Variants in PCDH15 observed in about 807,000 individuals in gnomAD.
PCDH15 encodes the protein protocadherin-15.
PCDH15 carries 129 observed loss-of-function variants against 178.5 expected under a neutral mutation model. The observed-to-expected ratio is 0.72, with a 90% CI of 0.63 to 0.84. The LOEUF (loss-of-function observed/expected upper bound fraction) is 0.84. Ranked by LOEUF, PCDH15 falls within the 40% of genes least tolerant of loss-of-function variation. The probability of loss-of-function intolerance (pLI) is 0.00; values close to 1 mark genes in which losing one functional copy is unlikely to be tolerated. For missense variants in PCDH15, 2,230 were observed against 2,099.9 expected, an observed-to-expected ratio of 1.06 and a Z score of -1.21; for synonymous variants, 800 against 732.0, an observed-to-expected ratio of 1.09 and a Z score of -1.50.
At chr10:55,402,659 A>T (rs1838099654) in intron 2 of PCDH15, among the ~76,000 whole-genome samples, 1 of 151,970 alleles carries the variant, frequency 6.6e-6, no homozygotes, top group Non-Finnish European at 1.5e-5. Context: ...GATTTCATTA[A>T]TTTTTATGTC....
At chr10:54,514,552 A>G (rs897863332) in intron 3 of PCDH15, among the ~76,000 whole-genome samples, 1 of 152,038 alleles carries the variant, frequency 6.6e-6, no homozygotes, top group African/African-American at 2.4e-5. Context: ...TTTTTTTAAA[A>G]AAGTATGAAC....
intron 1 of PCDH15, among the ~76,000 whole-genome samples, chr10:54,790,579 C>G (rs1335875117): frequency 6.6e-6 from 1 of 151,694 alleles, no homozygotes; most frequent in African/African-American, 2.4e-5. Context: ...GGTAACAAAT[C>G]CTCTGAGCGA....
At chr10:55,030,219 A>G (rs934972348) in intron 2 of PCDH15, among the ~76,000 whole-genome samples, 1 of 152,134 alleles carries the variant, frequency 6.6e-6, no homozygotes, top group African/African-American at 2.4e-5. Context: ...TTTAGTTTGC[A>G]ATGCTGTATT....
intron 3 of PCDH15, among the ~76,000 whole-genome samples, chr10:54,397,382 G>T (rs1951375357): frequency 6.6e-6 from 1 of 151,934 alleles, no homozygotes; most frequent in South Asian, 2.1e-4. Context: ...CAAACTCAGG[G>T]AACAACCTTC....
chr10:54,010,232 G>A (rs2610874), intron 20 of PCDH15, among the ~76,000 whole-genome samples: 99,548 of 151,666 alleles, frequency 0.66, 32,971 homozygotes, highest in South Asian at 0.81. Flanking sequence ...CCAACACAGC[G>A]CAGTTTCCTT....
In PCDH15 at chr10:54,378,911, T is replaced by C. The variant is rs1554940478; in HGVS notation, c.189A>G (p.Lys63=). The part of the protein sequence containing the change: ...GTILVDNMLI[K]GTAGGPDPTI... The stretch of plus-strand genomic sequence containing the variant: ...TGGGGTCTGGTCCTCCAGCAGTCCC[T>C]TTGATCAGCATGTTGTCCACCAGAA... The change falls in exon 4 of 38, where the codon AAA becomes AAG. Residue 63 remains lysine, a synonymous_variant. Transcript: ENST00000644397. The C allele has an allele frequency of 1.3e-5, 21 of 1,613,826 alleles. No homozygotes were observed. The highest frequency in any genetic ancestry group is 2.2e-5 in the South Asian group (2 of 91,084).
chr10:54,167,401 G>A (rs1025455505), intron 13 of PCDH15, among the ~76,000 whole-genome samples: 2 of 152,054 alleles, frequency 1.3e-5, no homozygotes, highest in Admixed American at 6.6e-5. Flanking sequence ...GAGAGACAAA[G>A]GAGACACATT....
At chr10:53,812,448 C>A (rs1043478525) in intron 35 of PCDH15, among the ~76,000 whole-genome samples, 33 of 152,068 alleles carry the variant, frequency 2.2e-4, no homozygotes, top group Admixed American at 1.6e-3. Context: ...CTCCTGACCT[C>A]GTGATCAGCC....
chr10:54,346,302 C>T, intron 6 of PCDH15, 63 bp downstream of exon 6: 2 of 1,504,260 alleles, frequency 1.3e-6, no homozygotes, highest in Admixed American at 3.4e-5. Context: ...TAACTATCAG[C>T]TGAAAAAATC....
At chr10:54,236,712 T>C in intron 9 of PCDH15, 111 bp downstream of exon 9, 2 of 926,638 alleles carry the variant, frequency 2.2e-6, no homozygotes, top group East Asian at 2.6e-5. Flanking sequence ...AAAGTAACAA[T>C]CATGTCAAAT....
chr10:55,465,696 G>C (rs1394154753), intron 2 of PCDH15, among the ~76,000 whole-genome samples: 1 of 152,116 alleles, frequency 6.6e-6, no homozygotes, highest in East Asian at 1.9e-4. Context: ...ATTGTCTTGA[G>C]TATTTGCCCG....
intron 1 of PCDH15, among the ~76,000 whole-genome samples, chr10:55,197,783 G>A (rs942658030): frequency 3.3e-5 from 5 of 152,036 alleles, no homozygotes; most frequent in African/African-American, 1.2e-4. Context: ...GTATTACAGT[G>A]AGCTAGAAGT....
At chr10:55,041,803 A>G (rs1418825423) in intron 2 of PCDH15, among the ~76,000 whole-genome samples, 1 of 152,144 alleles carries the variant, frequency 6.6e-6, no homozygotes, top group Admixed American at 6.5e-5. Context: ...TTTTTAGAAA[A>G]CCAGATTTTA....
intron 2 of PCDH15, among the ~76,000 whole-genome samples, chr10:54,898,617 A>C (rs574707326): frequency 5.9e-5 from 9 of 152,184 alleles, no homozygotes; most frequent in African/African-American, 2.2e-4. Context: ...GGAATACTGA[A>C]TTTTCTATCC....
chr10:54,018,193 C>T (rs1248102994), intron 20 of PCDH15, among the ~76,000 whole-genome samples: 2 of 152,112 alleles, frequency 1.3e-5, no homozygotes, highest in Non-Finnish European at 2.9e-5. Context: ...TAGTCTTCTA[C>T]TAAGGTCCCT....
chr10:54,098,473 C>T (rs1446247823), intron 15 of PCDH15, among the ~76,000 whole-genome samples: 2 of 152,098 alleles, frequency 1.3e-5, no homozygotes, highest in Non-Finnish European at 2.9e-5. Flanking sequence ...CTTTTGTCAT[C>T]TGGAATGATG....
At position 54,877,094 on chromosome 10, in the gene PCDH15, A is replaced by G. The variant is rs147117493; in HGVS notation, c.-29+20356T>C. Among the ~76,000 whole-genome samples the G allele has an allele frequency of 3.3e-3, 496 of 152,306 alleles. 3 individuals carry two copies. Among genetic ancestry groups the G allele is most frequent in the African/African-American group, 0.011 (463 of 41,578 alleles). On this transcript the variant is annotated intron_variant, in intron 3 of 5. Transcript: ENST00000458638. ...CATCAACATCAAGGTAATACCTTCC[A>G]ATGACAAAAAGATTACAAATCGCTG...
At chr10:54,340,444 A>G (rs1369051272) in intron 6 of PCDH15, among the ~76,000 whole-genome samples, 1 of 152,204 alleles carries the variant, frequency 6.6e-6, no homozygotes, top group East Asian at 1.9e-4. Flanking sequence ...AGAGAGGAAG[A>G]ACCAAACATT....
At chr10:53,994,306 A>G (rs1036756975) in intron 21 of PCDH15, among the ~76,000 whole-genome samples, 6 of 152,166 alleles carry the variant, frequency 3.9e-5, no homozygotes, top group African/African-American at 1.4e-4. Flanking sequence ...ATTAAACTCT[A>G]TATTAAATTC....
Sources: allele counts gnomAD v4.1 joint callset (sites outside exome capture counted in the v4.1 genomes callset), GRCh38; gene constraint gnomAD v4.1.1; transcripts MANE v1.5; gene names NCBI Gene and HGNC (gene_info 2026-07-23, HGNC 2026-07-21).